The following ADAM12 variants were observed in gnomAD, a reference collection of about 807,000 sequenced individuals.
ADAM12 encodes the protein ADAM metallopeptidase domain 12, also known as disintegrin and metalloproteinase domain-containing protein 12.
Under a neutral mutation model 106.4 loss-of-function variants are expected in ADAM12, and 70 were observed. The ratio of observed to expected loss-of-function variants is 0.66; its 90% CI spans 0.54 to 0.80. The LOEUF is 0.80. ADAM12 is among the 30% of genes least tolerant of loss of function. ADAM12 has a pLI of 0.00. For synonymous variants in ADAM12, 420 were observed against 433.5 expected, an observed-to-expected ratio of 0.97 and a Z score of 0.39; for missense variants, 1,010 against 1,171.9, an observed-to-expected ratio of 0.86 and a Z score of 2.02.
intron 11 of ADAM12, among the ~76,000 whole-genome samples, chr10:126,093,105 C>A (rs2133561007): frequency 6.6e-6 from 1 of 152,264 alleles, no homozygotes; most frequent in East Asian, 1.9e-4. Context: ...AGAGAGCAGG[C>A]TTGGGCTGGA....
In ADAM12 at chr10:126,094,104, G is replaced by A. The variant is rs141457534; in HGVS notation, c.1026C>T (p.Ala342=). 79 of 1,613,996 alleles carry A rather than the reference G, an allele frequency of 4.9e-5. No homozygotes were observed. The highest frequency in any genetic ancestry group is 5.9e-5 in the Non-Finnish European group (70 of 1,180,014). Residue 342 remains alanine, a synonymous_variant, in exon 11 of 23, where the codon GCC becomes GCT. Coordinates refer to ENST00000448723, the MANE Select transcript of ADAM12 (RefSeq NM_001288973.2). ...GGCCCAGCTCATGTGCCAGGGTCAC[G>A]GCTGCACCAAGGGGATTGTCTGAAT... ...MDHSDNPLGA[A]VTLAHELGHN... is the part of the protein sequence containing the mutation.
intron 2 of ADAM12, among the ~76,000 whole-genome samples, chr10:126,307,819 C>T (rs1366744631): frequency 6.6e-6 from 1 of 152,176 alleles, no homozygotes; most frequent in Non-Finnish European, 1.5e-5. Flanking sequence ...TCTCAAACTT[C>T]TGACCTTAAA....
rs1248286262 is a variant in ADAM12 at position 126,039,303 on chromosome 10, T to G, written c.2231A>C (p.Glu744Ala). The change falls in exon 19 of 23, where the codon GAA becomes GCA. Residue 744 changes from glutamate to alanine, a missense_variant. Glu to Ala is a moderately radical substitution (Grantham distance 107). Coordinates refer to ENST00000448723, the MANE Select transcript of ADAM12 (RefSeq NM_001288973.2). Reference sequence around the variant, plus strand: ...GCTAAACCCAGGGTACCTTAGTTTTTCAATGGTGGTCTTCTTATTTGTAAA... The same window carrying G: ...GCTAAACCCAGGGTACCTTAGTTTTGCAATGGTGGTCTTCTTATTTGTAAA... ...LLFTNKKTTI[E>A]KLRCVRPSRP... 6.2e-7 allele frequency: 1 copy of G among 1,613,784 alleles called. No homozygotes were observed. The highest frequency in any genetic ancestry group is 8.5e-7 in the Non-Finnish European group (1 of 1,179,900).
chr10:126,161,448 C>A (rs181536310), intron 3 of ADAM12, among the ~76,000 whole-genome samples: 1 of 152,310 alleles, frequency 6.6e-6, no homozygotes, highest in South Asian at 2.1e-4. Context: ...GTGGCGCTAC[C>A]AGACCTTACA....
rs199581587 is a variant in ADAM12 at position 126,078,708 on chromosome 10, CT to C, written c.1146-7055del. Among the ~76,000 whole-genome samples, 401 of 151,868 alleles carry C rather than the reference CT, an allele frequency of 2.6e-3. 2 individuals carry two copies. Among genetic ancestry groups the C allele is most frequent in the African/African-American group, 9.0e-3 (371 of 41,396 alleles). ...ATGGTAATATTTTTCTTCTTTTATA[CT>C]TTTTTTTGAATTTAAAATTTTGGAA... On this transcript the variant is annotated intron_variant, in intron 11 of 22. Coordinates refer to ENST00000448723, the MANE Select transcript of ADAM12 (RefSeq NM_001288973.2).
At chr10:126,124,505 C>T (rs893986099) in intron 5 of ADAM12, among the ~76,000 whole-genome samples, 2 of 152,204 alleles carry the variant, frequency 1.3e-5, no homozygotes, top group East Asian at 3.9e-4. Flanking sequence ...ACCCCTTGCC[C>T]GTGGCTCCCA....
chr10:126,106,122 T>C (rs1194873631), intron 8 of ADAM12, among the ~76,000 whole-genome samples: 1 of 152,124 alleles, frequency 6.6e-6, no homozygotes, highest in Non-Finnish European at 1.5e-5. Context: ...CTGGCGGTCA[T>C]GTGGTCTCCC....
At chr10:126,125,065 G>A (rs987817873) in intron 5 of ADAM12, among the ~76,000 whole-genome samples, 4 of 151,870 alleles carry the variant, frequency 2.6e-5, no homozygotes, top group African/African-American at 9.7e-5. Context: ...CTCCTTGAAA[G>A]CATGCAATCC....
intron 3 of ADAM12, among the ~76,000 whole-genome samples, chr10:126,190,667 T>A (rs1211866207): frequency 6.6e-6 from 1 of 152,128 alleles, no homozygotes; most frequent in Non-Finnish European, 1.5e-5. Context: ...GTTTTGTCTA[T>A]GAAAGCGACA....
intron 3 of ADAM12, among the ~76,000 whole-genome samples, chr10:126,206,339 C>T (rs939487643): frequency 6.6e-5 from 10 of 152,106 alleles, no homozygotes; most frequent in Admixed American, 2.0e-4. Context: ...AAACGATAGA[C>T]GATTAAAGTA....
intron 11 of ADAM12, among the ~76,000 whole-genome samples, chr10:126,090,208 G>A (rs1018417140): frequency 4.0e-5 from 6 of 151,286 alleles, no homozygotes; most frequent in Non-Finnish European, 8.8e-5. Context: ...ACCTATCAGT[G>A]TGTAACAGTG....
chr10:126,266,993 A>G (rs902397903), intron 3 of ADAM12, among the ~76,000 whole-genome samples: 5 of 152,154 alleles, frequency 3.3e-5, no homozygotes, highest in African/African-American at 1.2e-4. Context: ...GATCCAAACC[A>G]TATCACTGTG....
At chr10:126,191,156 C>A (rs1321374359) in intron 3 of ADAM12, among the ~76,000 whole-genome samples, 2 of 151,778 alleles carry the variant, frequency 1.3e-5, no homozygotes, top group African/African-American at 4.8e-5. Context: ...CGCCTGCCAC[C>A]ACGCCCGGCT....
At chr10:126,310,910 C>T (rs373159264) in intron 2 of ADAM12, among the ~76,000 whole-genome samples, 1 of 151,992 alleles carries the variant, frequency 6.6e-6, no homozygotes. Flanking sequence ...ATTTATTGTG[C>T]AAGGGGATAT....
At chr10:126,173,426 G>A (rs536656411) in intron 3 of ADAM12, among the ~76,000 whole-genome samples, 3 of 152,180 alleles carry the variant, frequency 2.0e-5, no homozygotes, top group Non-Finnish European at 4.4e-5. Flanking sequence ...AGATGATTCT[G>A]TGCTGGGGGG....
chr10:126,347,542 G>A (rs544001906), intron 1 of ADAM12, among the ~76,000 whole-genome samples: 1 of 152,236 alleles, frequency 6.6e-6, no homozygotes, highest in East Asian at 1.9e-4. Flanking sequence ...GGCGTTCTCT[G>A]TATTTCCTGA....
chr10:126,360,703 GTCT>G (rs1190139104), intron 1 of ADAM12, among the ~76,000 whole-genome samples: 4 of 152,146 alleles, frequency 2.6e-5, no homozygotes, highest in African/African-American at 9.7e-5. Flanking sequence ...ACATTTTCCT[GTCT>G]TCTTCTGAGC....
At chr10:126,118,401 C>G (rs568718191) in intron 5 of ADAM12, among the ~76,000 whole-genome samples, 177 bp from the exon 6 acceptor site, 170 of 152,222 alleles carry the variant, frequency 1.1e-3, no homozygotes, top group Non-Finnish European at 2.0e-3. Context: ...ATTCATTTGG[C>G]AAATCTTTTG....
At chr10:126,237,220 C>T (rs1958435846) in intron 3 of ADAM12, among the ~76,000 whole-genome samples, 1 of 152,152 alleles carries the variant, frequency 6.6e-6, no homozygotes, top group South Asian at 2.1e-4. Flanking sequence ...TTATTTTATT[C>T]TTTGCCTTGC....
Sources: allele counts gnomAD v4.1 joint callset (sites outside exome capture counted in the v4.1 genomes callset), GRCh38; gene constraint gnomAD v4.1.1; transcripts MANE v1.5; gene names NCBI Gene and HGNC (gene_info 2026-07-23, HGNC 2026-07-21).